Variants in TSHZ2 observed in about 807,000 individuals in gnomAD.
TSHZ2 encodes the protein teashirt zinc finger homeobox 2, also known as teashirt homolog 2.
Under a neutral mutation model 74.4 loss-of-function variants are expected in TSHZ2, and 21 were observed. That is an observed-to-expected ratio of 0.28 (90% CI 0.20 to 0.41). The LOEUF is 0.41. Ranked by LOEUF, TSHZ2 falls within the 10% of genes least tolerant of loss-of-function variation. TSHZ2 has a pLI of 1.00. For synonymous variants in TSHZ2, 540 were observed against 515.3 expected (o/e 1.05, Z -0.65); for missense variants, 1,244 against 1,293.5 (o/e 0.96, Z 0.59).
At chr20:53,051,457 GCACACACACACA>G (rs11474223) in intron 1 of TSHZ2, among the ~76,000 whole-genome samples, 72 of 145,194 alleles carry the variant, frequency 5.0e-4, no homozygotes, top group East Asian at 4.1e-3. Context: ...TGTGGCGCAC[GCACACACACACA>G]CACACACACA....
intron 2 of TSHZ2, among the ~76,000 whole-genome samples, chr20:53,331,535 G>A (rs1014490038): frequency 6.6e-6 from 1 of 152,126 alleles, no homozygotes; most frequent in Admixed American, 6.5e-5. Context: ...AGGAAAGCCA[G>A]GCAGGAGCCA....
chr20:53,388,484 T>C (rs76562948), intron 2 of TSHZ2, among the ~76,000 whole-genome samples: 2,750 of 152,220 alleles, frequency 0.018, 76 homozygotes, highest in African/African-American at 0.059. Flanking sequence ...ACACTGAAGG[T>C]GGGTGAAACC....
At chr20:53,094,686 CATT>C (rs755099711) in intron 1 of TSHZ2, among the ~76,000 whole-genome samples, 72 of 152,302 alleles carry the variant, frequency 4.7e-4, no homozygotes, top group Non-Finnish European at 8.2e-4. Flanking sequence ...TCATGGATGT[CATT>C]ATAACAGGTG....
chr20:53,113,447 G>A (rs147407254), intron 1 of TSHZ2, among the ~76,000 whole-genome samples: 11 of 152,198 alleles, frequency 7.2e-5, no homozygotes, highest in East Asian at 3.9e-4. Context: ...GCTGTTTAGC[G>A]TATAAAATGT....
rs750453219 is a variant in TSHZ2, at chr20:53,175,131, CTTTTTTTTTT to C, written c.41-78349_41-78340del. 2.5e-4 allele frequency among the ~76,000 whole-genome samples: 16 copies of C among 63,638 alleles called. No homozygotes were observed. In the Admixed American group the frequency reaches 2.6e-3, roughly 11 times the overall value. The allele number at this position is 63,638 out of a possible 152,430, so 41.7% of individuals were successfully genotyped here. On this transcript the variant is annotated intron_variant, in intron 1 of 2. Transcript: ENST00000371497. Reference sequence around the variant, plus strand: ...CTCCTTCTCCTCCTTCTTCTTCTTTCTTTTTTTTTTTTTTTTTTTTTTTTTTTTCAACGGA... The same window carrying C: ...CTCCTTCTCCTCCTTCTTCTTCTTTCTTTTTTTTTTTTTTTTTTCAACGGA...
At chr20:53,387,560 G>A (rs1285112025) in intron 2 of TSHZ2, among the ~76,000 whole-genome samples, 2 of 152,182 alleles carry the variant, frequency 1.3e-5, no homozygotes, top group African/African-American at 2.4e-5. Context: ...GGGCTGGGGA[G>A]CACCTGGACC....
intron 2 of TSHZ2, among the ~76,000 whole-genome samples, chr20:53,457,250 G>A (rs1985132615): frequency 6.9e-6 from 1 of 145,474 alleles, no homozygotes; most frequent in East Asian, 2.1e-4. Flanking sequence ...GCAGTTTGTA[G>A]TTCTCCTTGA....
intron 1 of TSHZ2, among the ~76,000 whole-genome samples, chr20:53,205,090 C>CAA (rs778251077): frequency 1.8e-3 from 150 of 83,128 alleles, no homozygotes; most frequent in African/African-American, 5.4e-3. Context: ...GACTCCATCT[C>CAA]AAAAAAAAAA....
intron 2 of TSHZ2, among the ~76,000 whole-genome samples, chr20:53,270,011 C>T (rs1990802789): frequency 6.6e-6 from 1 of 151,990 alleles, no homozygotes; most frequent in South Asian, 2.1e-4. Context: ...ACTAATTTAC[C>T]TTTAAGGAAA....
chr20:52,974,861 C>T (rs971945060), intron 1 of TSHZ2, among the ~76,000 whole-genome samples: 10 of 152,092 alleles, frequency 6.6e-5, no homozygotes, highest in Admixed American at 3.9e-4. Flanking sequence ...ATTGATAAAG[C>T]GTGGATTCAT....
intron 1 of TSHZ2, among the ~76,000 whole-genome samples, chr20:53,067,044 A>T (rs1188560792): frequency 6.6e-6 from 1 of 152,208 alleles, no homozygotes; most frequent in African/African-American, 2.4e-5. Context: ...TTTCTGAAGG[A>T]GTTGAGCGTG....
chr20:53,376,722 T>C (rs1429822105), intron 2 of TSHZ2, among the ~76,000 whole-genome samples: 1 of 152,224 alleles, frequency 6.6e-6, no homozygotes, highest in Non-Finnish European at 1.5e-5. Flanking sequence ...ACTTATGTTG[T>C]GCACACTCAT....
Position 53,193,494 on chromosome 20 carries a change from T to C in TSHZ2, c.41-60005T>C, listed in dbSNP as rs117746738. 6.6e-3 allele frequency among the ~76,000 whole-genome samples: 1,002 copies of C among 152,256 alleles called. 25 individuals are homozygous for C. The highest frequency in any genetic ancestry group is 7.5e-3 in the South Asian group (36 of 4,814). On this transcript the variant is annotated intron_variant, in intron 1 of 2. Coordinates refer to ENST00000371497, the MANE Select transcript of TSHZ2 (RefSeq NM_173485.6). Reference sequence around the variant, plus strand: ...ACATTCATCCTATTTGTTCTCTCTTTTGTATGTTGTCTCCCTGTGACACTA... The same window carrying C: ...ACATTCATCCTATTTGTTCTCTCTTCTGTATGTTGTCTCCCTGTGACACTA...
intron 1 of TSHZ2, among the ~76,000 whole-genome samples, chr20:53,124,202 G>A (rs1021137732): frequency 2.6e-5 from 4 of 152,112 alleles, no homozygotes; most frequent in Non-Finnish European, 5.9e-5. Flanking sequence ...TCTTTCCTGG[G>A]CCGGCCCTTC....
chr20:53,452,838 C>G (rs1340575564), intron 2 of TSHZ2, among the ~76,000 whole-genome samples: 2 of 152,146 alleles, frequency 1.3e-5, no homozygotes, highest in Admixed American at 1.3e-4. Context: ...TTGTGTTTTT[C>G]TCAAGGAACG....
intron 1 of TSHZ2, among the ~76,000 whole-genome samples, chr20:53,077,544 GTC>G (rs1985406105): frequency 6.6e-6 from 1 of 152,138 alleles, no homozygotes; most frequent in African/African-American, 2.4e-5. Context: ...CTTGGGACCT[GTC>G]CACATATTAG....
At chr20:53,282,352 C>T (rs1197941357) in intron 2 of TSHZ2, among the ~76,000 whole-genome samples, 1 of 152,214 alleles carries the variant, frequency 6.6e-6, no homozygotes, top group Non-Finnish European at 1.5e-5. Context: ...ATCAGAGAAG[C>T]CTGGCCTCTG....
At chr20:53,096,253 T>G (rs1438198715) in intron 1 of TSHZ2, among the ~76,000 whole-genome samples, 1 of 152,172 alleles carries the variant, frequency 6.6e-6, no homozygotes, top group East Asian at 1.9e-4. Flanking sequence ...GTGATTCTCT[T>G]GTTTCAGCCT....
chr20:53,329,424 A>G (rs1449618648), intron 2 of TSHZ2, among the ~76,000 whole-genome samples: 1 of 152,218 alleles, frequency 6.6e-6, no homozygotes, highest in Non-Finnish European at 1.5e-5. Context: ...CCAGGACTGT[A>G]TTTCTGTGAT....
Sources: gnomAD v4.1 joint callset for allele counts (sites outside exome capture counted in the v4.1 genomes callset) on GRCh38, gnomAD v4.1.1 for gene constraint, MANE v1.5 for transcripts, NCBI Gene and HGNC (gene_info 2026-07-23, HGNC 2026-07-21) for gene names.